SBF2: variants seen among roughly 807,000 people sequenced by gnomAD.
SBF2 encodes myotubularin-related protein 13.
SBF2 carries 112 observed loss-of-function variants against 225.2 expected under a neutral mutation model. The observed-to-expected ratio is 0.50, with a 90% CI of 0.43 to 0.58. The LOEUF (loss-of-function observed/expected upper bound fraction) is 0.58. SBF2 is among the 20% of genes least tolerant of loss of function. The pLI, the probability that SBF2 is intolerant of heterozygous loss-of-function variation, is 0.00. For synonymous variants in SBF2, 763 were observed against 773.3 expected (o/e 0.99, Z 0.22); for missense variants, 1,996 against 2,206.2 (o/e 0.90, Z 1.91).
intron 2 of SBF2, among the ~76,000 whole-genome samples, chr11:10,173,874 C>A (rs1019872050): frequency 1.3e-5 from 2 of 151,776 alleles, no homozygotes; most frequent in African/African-American, 2.4e-5. Context: ...AGCAGCCTAA[C>A]TGGGAGGCAC....
intron 39 of SBF2, 136 bp from the exon 40 acceptor site, chr11:9,780,652 A>C: frequency 1.4e-6 from 1 of 730,492 alleles, no homozygotes; most frequent in South Asian, 1.5e-5. Context: ...TTCTTCCTCA[A>C]CTACCATACT....
chr11:10,072,659 G>A (rs538884309), intron 2 of SBF2, among the ~76,000 whole-genome samples: 1 of 151,400 alleles, frequency 6.6e-6, no homozygotes, highest in Non-Finnish European at 1.5e-5. Flanking sequence ...GCTATCATTT[G>A]GGGCTTTTCC....
intron 4 of SBF2, 65 bp from the exon 5 acceptor site, chr11:10,029,940 A>G: frequency 9.2e-7 from 1 of 1,085,398 alleles, no homozygotes; most frequent in Non-Finnish European, 1.4e-6. Flanking sequence ...TTGTTATGAC[A>G]TCTGCTCTAG....
At chr11:9,851,093 G>T (rs1367099577) in intron 21 of SBF2, among the ~76,000 whole-genome samples, 1 of 140,586 alleles carries the variant, frequency 7.1e-6, no homozygotes, top group African/African-American at 2.6e-5. Flanking sequence ...CCGAGATTGT[G>T]CCACTGCACT....
chr11:10,031,904 G>A (rs995686165), intron 3 of SBF2, among the ~76,000 whole-genome samples: 2 of 152,050 alleles, frequency 1.3e-5, no homozygotes, highest in African/African-American at 4.8e-5. Context: ...CACCACGCCA[G>A]GTTAATTTTT....
intron 2 of SBF2, among the ~76,000 whole-genome samples, chr11:10,115,419 C>A (rs556215736): frequency 6.6e-6 from 1 of 152,286 alleles, no homozygotes; most frequent in South Asian, 2.1e-4. Context: ...TTCCTTGCAA[C>A]CACCCTGGGA....
At chr11:10,247,650 G>A (rs1374147829) in intron 1 of SBF2, among the ~76,000 whole-genome samples, 7 of 152,114 alleles carry the variant, frequency 4.6e-5, no homozygotes, top group South Asian at 2.1e-4. Flanking sequence ...AGCCAAGATC[G>A]TGCCACTGTA....
At chr11:10,155,392 G>A (rs1955421598) in intron 2 of SBF2, among the ~76,000 whole-genome samples, 1 of 117,736 alleles carries the variant, frequency 8.5e-6, no homozygotes, top group Non-Finnish European at 2.0e-5. Context: ...AGAAGAGGGT[G>A]GAACAAACTC....
At position 9,790,684 on chromosome 11, in the gene SBF2, C is replaced by T. The variant is rs2133861770; in HGVS notation, c.4571-1G>A. On this transcript the variant is annotated splice_acceptor_variant, in intron 33 of 39. Coordinates refer to ENST00000256190, the MANE Select transcript of SBF2 (RefSeq NM_030962.4). LOFTEE classifies it high-confidence loss of function. ...TCTCCTTTATCATCAAATAAAGTTC[C>T]TGTAGATTAAAAAAATCCAACAAAA... The T allele has an allele frequency of 6.3e-7, 1 of 1,578,508 alleles. No homozygotes were observed. The highest frequency in any genetic ancestry group is 8.7e-7 in the Non-Finnish European group (1 of 1,151,954).
At chr11:9,888,181 GAAAACTATGTTCCCTATTAGA>G (rs1438818239) in intron 17 of SBF2, among the ~76,000 whole-genome samples, 2 of 152,066 alleles carry the variant, frequency 1.3e-5, no homozygotes, top group African/African-American at 2.4e-5. Context: ...GTGTAATTTT[GAAAACTATGTTCCCTATTAGA>G]AATACGTGAA....
At chr11:9,923,476 T>C (rs1319386484) in intron 16 of SBF2, among the ~76,000 whole-genome samples, 1 of 152,244 alleles carries the variant, frequency 6.6e-6, no homozygotes, top group Non-Finnish European at 1.5e-5. Flanking sequence ...TCAGTCTAAA[T>C]GTAATTCTTA....
At chr11:10,196,867 T>TTA in intron 1 of SBF2, among the ~76,000 whole-genome samples, 1 of 38,584 alleles carries the variant, frequency 2.6e-5, no homozygotes, top group South Asian at 8.2e-4. Context: ...TATATATATA[T>TTA]TTTTTTTTTC....
intron 1 of SBF2, among the ~76,000 whole-genome samples, chr11:10,300,361 C>T (rs1191134187): frequency 1.3e-5 from 2 of 152,068 alleles, no homozygotes; most frequent in Admixed American, 6.6e-5. Flanking sequence ...TTCATTCAGG[C>T]TTATAAATCA....
At chr11:9,958,105 C>G (rs1363585357) in intron 16 of SBF2, 1 of 152,162 alleles carries the variant, frequency 6.6e-6, no homozygotes, top group Non-Finnish European at 1.5e-5. Context: ...GAAAAAATCC[C>G]CCTCCTTCAA....
intron 17 of SBF2, among the ~76,000 whole-genome samples, chr11:9,888,333 C>T (rs545862648): frequency 6.6e-6 from 1 of 151,796 alleles, no homozygotes; most frequent in South Asian, 2.1e-4. Flanking sequence ...GTCATCTCTA[C>T]AAAAGAAAAA....
At chr11:10,226,731 G>A (rs549140403) in intron 1 of SBF2, among the ~76,000 whole-genome samples, 6 of 152,216 alleles carry the variant, frequency 3.9e-5, no homozygotes, top group Non-Finnish European at 7.4e-5. Flanking sequence ...GTCTATCATT[G>A]TTGGACATTT....
At chr11:9,890,301 A>G (rs905815175) in intron 17 of SBF2, among the ~76,000 whole-genome samples, 5 of 152,222 alleles carry the variant, frequency 3.3e-5, no homozygotes, top group Non-Finnish European at 7.3e-5. Context: ...GTAAAACACT[A>G]AAATTACTAA....
intron 2 of SBF2, among the ~76,000 whole-genome samples, chr11:10,056,859 T>C (rs185453539): frequency 6.6e-6 from 1 of 152,280 alleles, no homozygotes; most frequent in East Asian, 1.9e-4. Context: ...CTTTGGAGTG[T>C]CTGAGGCAAC....
chr11:10,106,494 T>C (rs1172774914), intron 2 of SBF2, among the ~76,000 whole-genome samples: 1 of 151,984 alleles, frequency 6.6e-6, no homozygotes, highest in Non-Finnish European at 1.5e-5. Context: ...CCGGACGTGG[T>C]GGCGTGCACC....
Sources: gnomAD v4.1 joint callset for allele counts (sites outside exome capture counted in the v4.1 genomes callset) on GRCh38, gnomAD v4.1.1 for gene constraint, MANE v1.5 for transcripts, NCBI Gene and HGNC (gene_info 2026-07-23, HGNC 2026-07-21) for gene names.